The following INSR variants were observed in gnomAD, a reference collection of about 807,000 sequenced individuals.
The protein encoded by INSR is IR.
Under a neutral mutation model 142.6 loss-of-function variants are expected in INSR, and 67 were observed. That is an observed-to-expected ratio of 0.47 (90% confidence interval 0.39 to 0.58). The LOEUF is 0.58. Ranked by LOEUF, INSR falls within the 20% of genes least tolerant of loss-of-function variation. The pLI, the probability that INSR is intolerant of heterozygous loss-of-function variation, is 0.00. For synonymous variants in INSR, 756 were observed against 743.1 expected (o/e 1.02, Z -0.28); for missense variants, 1,248 against 1,833.2 (o/e 0.68, Z 5.83).
chr19:7,247,708 A>G (rs1976578670), intron 2 of INSR, among the ~76,000 whole-genome samples: 1 of 152,144 alleles, frequency 6.6e-6, no homozygotes, highest in Non-Finnish European at 1.5e-5. Context: ...AAAGCTAGAC[A>G]ATTTGCCCAA....
chr19:7,129,269 G>A (rs1972720959), intron 14 of INSR, among the ~76,000 whole-genome samples: 1 of 152,036 alleles, frequency 6.6e-6, no homozygotes, highest in Non-Finnish European at 1.5e-5. Context: ...TTTTCTGTCA[G>A]TTTAATGCTC....
chr19:7,203,411 C>T (rs8103883), intron 2 of INSR, among the ~76,000 whole-genome samples: 30,400 of 152,006 alleles, frequency 0.2, 4,917 homozygotes, highest in African/African-American at 0.45. Flanking sequence ...GTATGACAAT[C>T]TGTAAGCGGC....
intron 15 of INSR, 123 bp from the exon 16 acceptor site, chr19:7,126,774 A>AC: frequency 1.1e-6 from 1 of 898,122 alleles, no homozygotes; most frequent in Non-Finnish European, 1.8e-6. Context: ...ATAATCCTAG[A>AC]TGCAGTCTAG....
intron 1 of INSR, among the ~76,000 whole-genome samples, chr19:7,280,256 T>G (rs1968172059): frequency 6.7e-6 from 1 of 149,990 alleles, no homozygotes; most frequent in African/African-American, 2.5e-5. Flanking sequence ...AGAGCGAGAC[T>G]CCGTCTCATA....
chr19:7,131,942 G>T (rs538256439), intron 14 of INSR, among the ~76,000 whole-genome samples: 1 of 151,378 alleles, frequency 6.6e-6, no homozygotes, highest in Admixed American at 6.6e-5. Context: ...AGGCTACAGT[G>T]AGCTGAGATT....
chr19:7,124,964 A>G lies in INSR; in HGVS notation c.3258+319T>C, dbSNP rs548150064. Among the ~76,000 whole-genome samples, 42 of 152,128 alleles carry G rather than the reference A, an allele frequency of 2.8e-4. 2 individuals carry two copies. The South Asian group carries it at 8.3e-3, about 30-fold the overall frequency. ...AAGCAATGGAAGATTGTGGAAAATG[A>G]TGGAAGATTCCGGAAAGTGGTGGAA... is the stretch of plus-strand genomic sequence containing the variant. On this transcript the variant is annotated intron_variant, in intron 17 of 21. Transcript: ENST00000302850.
chr19:7,257,450 G>A (rs568707208), intron 2 of INSR, among the ~76,000 whole-genome samples: 126 of 151,264 alleles, frequency 8.3e-4, no homozygotes, highest in African/African-American at 2.6e-3. Flanking sequence ...GAAAGGCGGG[G>A]TGGGAGGAGG....
At position 7,267,309 on chromosome 19, in the gene INSR, C is replaced by G. The variant is rs1600111149; in HGVS notation, c.652+36G>C. 2 of 1,604,868 alleles carry G rather than the reference C, an allele frequency of 1.2e-6. No homozygotes were observed. The highest frequency in any genetic ancestry group is 2.2e-5 in the East Asian group (1 of 44,842). On this transcript the variant is annotated intron_variant, in intron 2 of 21. Coordinates refer to ENST00000302850, the MANE Select transcript of INSR (RefSeq NM_000208.4). The surrounding 1 kb of genome is among the most constrained non-coding windows in gnomAD (Gnocchi z 6.3). The stretch of plus-strand genomic sequence containing the variant: ...ATTTTAAGCTTTCTAGAACAAGGCA[C>G]GAGACACTGCTTAGAACCCTGTATC...
At chr19:7,189,771 C>T (rs1974526915) in intron 2 of INSR, among the ~76,000 whole-genome samples, 1 of 151,202 alleles carries the variant, frequency 6.6e-6, no homozygotes, top group African/African-American at 2.4e-5. Flanking sequence ...TCAAGCAATT[C>T]TCCTGCCTCA....
intron 2 of INSR, among the ~76,000 whole-genome samples, chr19:7,248,588 T>G (rs1034274644): frequency 8.1e-6 from 1 of 123,014 alleles, no homozygotes; most frequent in Non-Finnish European, 1.7e-5. Flanking sequence ...AAGGGACAAA[T>G]AGCATGAGGA....
chr19:7,174,719 G>A lies in INSR; in HGVS notation c.987C>T (p.Thr329=). The A allele has an allele frequency of 1.9e-6, 3 of 1,613,896 alleles. No individual in the cohort carries two copies. Among genetic ancestry groups the A allele is most frequent in the Non-Finnish European group, 2.5e-6 (3 of 1,179,946 alleles). ...CCTTGGGACAGGGACCCAGGCATGG[G>A]GTGCACAGCAAGCTAAGGACGGAGC... ...YTMNSSNLLC[T]PCLGPCPKVC... Residue 329 remains threonine, a synonymous_variant, in exon 4 of 22, where the codon ACC becomes ACT. Coordinates refer to ENST00000302850, the MANE Select transcript of INSR (RefSeq NM_000208.4).
At chr19:7,181,237 C>T (rs531841006) in intron 3 of INSR, among the ~76,000 whole-genome samples, 3 of 152,210 alleles carry the variant, frequency 2.0e-5, no homozygotes, top group South Asian at 2.1e-4. Context: ...TGAGCCACCG[C>T]GCCTGGCCCA....
chr19:7,261,656 A>G (rs1377136250), intron 2 of INSR, among the ~76,000 whole-genome samples: 3 of 151,458 alleles, frequency 2.0e-5, no homozygotes, highest in Non-Finnish European at 2.9e-5. Flanking sequence ...TCAGCCTCCT[A>G]AGTAGCTGGG....
At chr19:7,235,971 C>CA (rs373579153) in intron 2 of INSR, among the ~76,000 whole-genome samples, 2 of 129,878 alleles carry the variant, frequency 1.5e-5, no homozygotes, top group Admixed American at 1.6e-4. Context: ...CTGGCCTTTC[C>CA]TTTTTTTTTT....
intron 2 of INSR, among the ~76,000 whole-genome samples, chr19:7,197,819 CGAGAGAGAGAGAGAACGAGAGAGA>C (rs1568480715): frequency 1.3e-5 from 1 of 75,778 alleles, no homozygotes; most frequent in Non-Finnish European, 2.4e-5. Context: ...GGAGAGAGAG[CGAGAGAGAGAGAGAACGAGAGAGA>C]GAGAGAGAGA....
At chr19:7,244,433 T>C (rs1168028002) in intron 2 of INSR, among the ~76,000 whole-genome samples, 2 of 151,686 alleles carry the variant, frequency 1.3e-5, no homozygotes, top group Non-Finnish European at 2.9e-5. Flanking sequence ...CTCAGGAGGC[T>C]GAGGCACAAG....
chr19:7,194,910 C>A (rs1599983680), intron 2 of INSR, among the ~76,000 whole-genome samples: 1 of 151,938 alleles, frequency 6.6e-6, no homozygotes, highest in Admixed American at 6.6e-5. Flanking sequence ...TGTGCCAAAT[C>A]ATAGGAAACC....
At position 7,166,924 on chromosome 19, in the gene INSR, CATAA is replaced by C. The variant is rs74174870; in HGVS notation, c.1611-524_1611-521del. On this transcript the variant is annotated intron_variant, in intron 7 of 21. Coordinates refer to ENST00000302850, the MANE Select transcript of INSR (RefSeq NM_000208.4). This position sits in a 1 kb window ranked among gnomAD's most constrained non-coding sequence, Gnocchi z 4.1. ...ACAAAGGGAGACTCTGTTTCAAAAA[CATAA>C]ATAAATAAATAAATAAATAAATGCT... Among the ~76,000 whole-genome samples the C allele has an allele frequency of 7.8e-6, 1 of 127,988 alleles. No homozygotes were observed. The highest frequency in any genetic ancestry group is 2.3e-4 in the East Asian group (1 of 4,304). The allele number at this position is 127,988 out of a possible 152,430, so 84.0% of individuals were successfully genotyped here.
chr19:7,132,669 G>A (rs943705755), intron 13 of INSR, among the ~76,000 whole-genome samples: 1 of 150,358 alleles, frequency 6.7e-6, no homozygotes, highest in African/African-American at 2.5e-5. Context: ...TCGGCTCACT[G>A]CAACCTCTGC....
Sources: gnomAD v4.1 joint callset for allele counts (sites outside exome capture counted in the v4.1 genomes callset) on GRCh38, gnomAD v4.1.1 for gene constraint, Gnocchi (gnomAD v3.1) non-coding constraint, MANE v1.5 for transcripts, NCBI Gene and HGNC (gene_info 2026-07-23, HGNC 2026-07-21) for gene names.